VEZT: variants seen among roughly 807,000 people sequenced by gnomAD.
VEZT encodes the protein vezatin, adherens junctions transmembrane protein, also known as vezatin.
VEZT carries 39 observed loss-of-function variants against 79.9 expected under a neutral mutation model. That is an observed-to-expected ratio of 0.49 (90% CI 0.38 to 0.64). The LOEUF (loss-of-function observed/expected upper bound fraction) is 0.64, where lower values mean the gene tolerates loss of function less well. VEZT is among the 30% of genes least tolerant of loss of function. VEZT has a pLI of 0.00. For missense variants in VEZT, 837 were observed against 893.1 expected, an observed-to-expected ratio of 0.94 and a Z score of 0.80; for synonymous variants, 325 against 327.6, an observed-to-expected ratio of 0.99 and a Z score of 0.09.
chr12:95,251,349 A>G (rs1467415805), intron 1 of VEZT, among the ~76,000 whole-genome samples: 3 of 152,132 alleles, frequency 2.0e-5, no homozygotes, highest in African/African-American at 7.2e-5. Context: ...TGCTTTTGTT[A>G]GCCATACTGT....
intron 9 of VEZT, among the ~76,000 whole-genome samples, chr12:95,290,427 A>C (rs1231794461): frequency 2.0e-5 from 3 of 152,230 alleles, no homozygotes; most frequent in African/African-American, 7.2e-5. Context: ...AAGCTGTTAC[A>C]TCCATCCATA....
At chr12:95,293,732 G>A (rs977230082) in intron 9 of VEZT, 3 of 155,558 alleles carry the variant, frequency 1.9e-5, no homozygotes, top group Non-Finnish European at 4.3e-5. Flanking sequence ...GAGGTGAAGA[G>A]AGAAGGGCAG....
At chr12:95,237,312 A>C (rs1431886724) in intron 1 of VEZT, among the ~76,000 whole-genome samples, 1 of 151,078 alleles carries the variant, frequency 6.6e-6, no homozygotes, top group Non-Finnish European at 1.5e-5. Flanking sequence ...CTTGTACATA[A>C]AAAAAAAATA....
intron 1 of VEZT, among the ~76,000 whole-genome samples, chr12:95,226,098 TAAAAA>T (rs11309269): frequency 7.3e-6 from 1 of 137,546 alleles, no homozygotes; most frequent in South Asian, 2.3e-4. Context: ...TGCCTTTATT[TAAAAA>T]AAAAAAAAAA....
chr12:95,227,386 G>A (rs2058651872), intron 1 of VEZT, among the ~76,000 whole-genome samples: 1 of 147,986 alleles, frequency 6.8e-6, no homozygotes, highest in East Asian at 2.0e-4. Context: ...TGTCGCCCAG[G>A]CTGGAGTGCA....
chr12:95,286,370 G>A, intron 8 of VEZT: 2 of 488,038 alleles, frequency 4.1e-6, no homozygotes, highest in Non-Finnish European at 8.1e-6. Context: ...TCAATTTGAG[G>A]ATACTTCATA....
At chr12:95,257,071 G>T in intron 2 of VEZT, 79 bp from the exon 3 acceptor site, 1 of 1,103,256 alleles carries the variant, frequency 9.1e-7, no homozygotes, top group South Asian at 1.5e-5. Flanking sequence ...CTCATTGATT[G>T]GAGGTAAGTA....
intron 1 of VEZT, 60 bp downstream of exon 1, chr12:95,217,946 T>C (rs2056930005): frequency 7.0e-7 from 1 of 1,435,220 alleles, no homozygotes; most frequent in African/African-American, 1.5e-5. Context: ...GAGACGGAAA[T>C]CGAGGAAGCA....
chr12:95,220,022 G>A (rs1260397864), intron 1 of VEZT, among the ~76,000 whole-genome samples: 1 of 152,136 alleles, frequency 6.6e-6, no homozygotes, highest in Non-Finnish European at 1.5e-5. Flanking sequence ...AAAATTTCCA[G>A]TTTGCTGTTT....
intron 5 of VEZT, among the ~76,000 whole-genome samples, chr12:95,267,858 C>T (rs1420098539): frequency 1.3e-5 from 2 of 151,972 alleles, no homozygotes; most frequent in African/African-American, 4.8e-5. Flanking sequence ...CCCATCTCTA[C>T]AAATAATAAA....
chr12:95,266,735 A>T, intron 5 of VEZT, 103 bp downstream of exon 5: 1 of 1,253,032 alleles, frequency 8.0e-7, no homozygotes, highest in Non-Finnish European at 1.1e-6. Context: ...TATAGGAAAA[A>T]AAAGTGCTTT....
chr12:95,268,916 T>C (rs904135303), intron 5 of VEZT, among the ~76,000 whole-genome samples: 1 of 152,246 alleles, frequency 6.6e-6, no homozygotes, highest in Non-Finnish European at 1.5e-5. Context: ...GCTGTTTTGT[T>C]TCTGACTCAA....
chr12:95,298,119 C>CA (rs1434646136), intron 11 of VEZT, among the ~76,000 whole-genome samples: 4 of 149,708 alleles, frequency 2.7e-5, no homozygotes, highest in Admixed American at 6.7e-5. Flanking sequence ...GACTCTCTCT[C>CA]AAAAAATAAT....
At chr12:95,264,050 A>C (rs2065043736) in intron 4 of VEZT, among the ~76,000 whole-genome samples, 1 of 152,236 alleles carries the variant, frequency 6.6e-6, no homozygotes, top group South Asian at 2.1e-4. Context: ...GGAATGAATC[A>C]AGAAGTACAC....
intron 3 of VEZT, among the ~76,000 whole-genome samples, chr12:95,259,799 G>T (rs1304139930): frequency 1.3e-5 from 2 of 152,270 alleles, no homozygotes; most frequent in East Asian, 3.9e-4. Context: ...TAATTTGCAG[G>T]TGTCAGTTTT....
chr12:95,266,046 G>T (rs2065467257), intron 4 of VEZT, among the ~76,000 whole-genome samples: 1 of 152,146 alleles, frequency 6.6e-6, no homozygotes, highest in Non-Finnish European at 1.5e-5. Flanking sequence ...CATTCAGTCA[G>T]CACCTACAGA....
intron 9 of VEZT, among the ~76,000 whole-genome samples, chr12:95,289,509 A>G (rs938963526): frequency 6.6e-6 from 1 of 151,270 alleles, no homozygotes; most frequent in African/African-American, 2.4e-5. Context: ...TCTATCGCTT[A>G]TCCACTATTG....
intron 1 of VEZT, among the ~76,000 whole-genome samples, chr12:95,238,717 C>A (rs12319095): frequency 0.11 from 17,180 of 152,194 alleles, 1,267 homozygotes; most frequent in East Asian, 0.16. Flanking sequence ...TTAAATAGCA[C>A]CACCTGATTC....
At chr12:95,292,529 T>C (rs542045474) in intron 9 of VEZT, among the ~76,000 whole-genome samples, 1 of 151,654 alleles carries the variant, frequency 6.6e-6, no homozygotes, top group South Asian at 2.1e-4. Flanking sequence ...TTTTCACCAC[T>C]GTTCTACAGA....
Sources: gnomAD v4.1 joint callset for allele counts (sites outside exome capture counted in the v4.1 genomes callset) on GRCh38, gnomAD v4.1.1 for gene constraint, MANE v1.5 for transcripts, NCBI Gene and HGNC (gene_info 2026-07-23, HGNC 2026-07-21) for gene names.